Variants in PACRG observed in about 807,000 individuals in gnomAD.
PACRG encodes the protein parkin coregulated, also known as parkin coregulated gene protein.
In PACRG, 29 loss-of-function variants were observed where a neutral mutation model predicts 29.7. The observed-to-expected ratio is 0.98, with a 90% confidence interval of 0.73 to 1.33. The LOEUF (loss-of-function observed/expected upper bound fraction) is 1.33. Ranked by LOEUF, PACRG falls within the 40% of genes most tolerant of loss-of-function variation. The pLI is 0.00. For synonymous variants in PACRG, 116 were observed against 118.7 expected (o/e 0.98, Z 0.15); for missense variants, 279 against 316.2 (o/e 0.88, Z 0.89).
At chr6:163,150,718 G>A (rs1225019351) in intron 4 of PACRG, among the ~76,000 whole-genome samples, 1 of 152,188 alleles carries the variant, frequency 6.6e-6, no homozygotes, top group Non-Finnish European at 1.5e-5. Flanking sequence ...ATCCATTGGC[G>A]GTTACCCCGC....
In PACRG at chr6:163,135,798, C is replaced by T. The variant is rs1197629416; in HGVS notation, c.613+46390C>T. Among the ~76,000 whole-genome samples, 4 of 152,202 alleles carry T rather than the reference C, an allele frequency of 2.6e-5. No homozygotes were observed. In the South Asian group the frequency reaches 6.2e-4, roughly 24 times the overall value. On this transcript the variant is annotated intron_variant, in intron 4 of 4. Coordinates refer to ENST00000366888, the MANE Select transcript of PACRG (RefSeq NM_001080379.2). ...GTGCATCGCTCGACAAGCCGGCTGA[C>T]GCTTGTAAATGCCCAACATCTGAAT...
chr6:163,068,801 A>G (rs1195782195), intron 3 of PACRG, among the ~76,000 whole-genome samples: 1 of 148,978 alleles, frequency 6.7e-6, no homozygotes, highest in African/African-American at 2.5e-5. Context: ...CTTTTTTTAT[A>G]CTATTTGGTT....
At position 163,230,604 on chromosome 6, in the gene PACRG, C is replaced by T. The variant is rs78051602; in HGVS notation, c.614-84223C>T. ...AACATATATAACTAGACTCATTCCA[C>T]GGCCTTTAAGACTTATTTGACGTGT... On this transcript the variant is annotated intron_variant, in intron 4 of 4. Coordinates refer to ENST00000366888, the MANE Select transcript of PACRG (RefSeq NM_001080379.2). Among the ~76,000 whole-genome samples the T allele has an allele frequency of 3.5e-4, 54 of 152,286 alleles. No individual in the cohort carries two copies. In the East Asian group the frequency reaches 9.4e-3, roughly 27 times the overall value.
At chr6:163,100,942 G>A in intron 4 of PACRG, 1 of 985,060 alleles carries the variant, frequency 1.0e-6, no homozygotes, top group Non-Finnish European at 1.2e-6. Context: ...AAGAAGAAAG[G>A]TAAAGATGGC....
intron 2 of PACRG, among the ~76,000 whole-genome samples, chr6:162,954,647 C>T (rs12208808): frequency 0.043 from 6,583 of 152,038 alleles, 166 homozygotes; most frequent in Non-Finnish European, 0.054. Context: ...ATTCATTAAC[C>T]GAATAAGTTT....
intron 2 of PACRG, among the ~76,000 whole-genome samples, chr6:162,969,436 A>G (rs4631245): frequency 0.67 from 102,064 of 151,518 alleles, 34,548 homozygotes; most frequent in East Asian, 0.79. Context: ...CTGAAATACT[A>G]CAACCAACCC....
At chr6:163,161,433 T>C (rs552416109) in intron 4 of PACRG, among the ~76,000 whole-genome samples, 164 of 152,330 alleles carry the variant, frequency 1.1e-3, no homozygotes, top group African/African-American at 3.8e-3. Context: ...TTAGGGCATT[T>C]TGATGTATTC....
intron 1 of PACRG, among the ~76,000 whole-genome samples, chr6:162,781,893 T>C (rs1318880767): frequency 6.6e-6 from 1 of 151,510 alleles, no homozygotes; most frequent in East Asian, 1.9e-4. Context: ...AAAAAAGCAA[T>C]ATGTATATTT....
intron 4 of PACRG, among the ~76,000 whole-genome samples, chr6:163,145,941 C>T (rs142574330): frequency 4.1e-4 from 63 of 152,258 alleles, no homozygotes; most frequent in Admixed American, 2.9e-3. Flanking sequence ...CCTTCACTTA[C>T]GAATGTAACC....
intron 2 of PACRG, among the ~76,000 whole-genome samples, chr6:163,012,649 C>T (rs532967347): frequency 6.6e-6 from 1 of 152,366 alleles, no homozygotes; most frequent in Non-Finnish European, 1.5e-5. Flanking sequence ...CCCTCTGGAG[C>T]TGTGCCAGGC....
chr6:162,904,778 T>C (rs905173779), intron 2 of PACRG, among the ~76,000 whole-genome samples: 4 of 152,112 alleles, frequency 2.6e-5, no homozygotes, highest in Admixed American at 6.5e-5. Flanking sequence ...ATAAGCAACA[T>C]TGAATGATAA....
intron 4 of PACRG, among the ~76,000 whole-genome samples, chr6:163,280,813 G>A (rs970961902): frequency 2.0e-5 from 3 of 152,068 alleles, no homozygotes; most frequent in African/African-American, 7.2e-5. Context: ...ACCTCGTTTG[G>A]ACTTAATTTC....
chr6:162,826,181 T>G (rs1788260734), intron 2 of PACRG, among the ~76,000 whole-genome samples: 1 of 152,170 alleles, frequency 6.6e-6, no homozygotes, highest in Admixed American at 6.5e-5. Context: ...AGTCCCTTTA[T>G]GTAAGCAAGT....
At chr6:163,132,175 A>T (rs1816767570) in intron 4 of PACRG, among the ~76,000 whole-genome samples, 1 of 152,220 alleles carries the variant, frequency 6.6e-6, no homozygotes, top group Admixed American at 6.5e-5. Context: ...AAGATGAAAA[A>T]ATTTGTTTTG....
At chr6:162,966,668 A>G (rs113671719) in intron 2 of PACRG, among the ~76,000 whole-genome samples, 1 of 151,714 alleles carries the variant, frequency 6.6e-6, no homozygotes, top group South Asian at 2.1e-4. Flanking sequence ...AGTAGAGACG[A>G]GGTTTCACCG....
chr6:162,959,538 A>G (rs946172588), intron 2 of PACRG, among the ~76,000 whole-genome samples: 2 of 152,220 alleles, frequency 1.3e-5, no homozygotes, highest in Non-Finnish European at 2.9e-5. Context: ...GCTTTAGGCT[A>G]TACAGACCAT....
intron 1 of PACRG, among the ~76,000 whole-genome samples, chr6:162,743,253 T>C (rs1405309537): frequency 6.6e-6 from 1 of 152,208 alleles, no homozygotes; most frequent in African/African-American, 2.4e-5. Flanking sequence ...CATGTTTTTC[T>C]TTTACTATTT....
At chr6:162,939,058 A>G (rs1024351558) in intron 2 of PACRG, among the ~76,000 whole-genome samples, 5 of 152,174 alleles carry the variant, frequency 3.3e-5, no homozygotes, top group Non-Finnish European at 4.4e-5. Flanking sequence ...TGGTATAAAA[A>G]TGGGCACATA....
chr6:163,218,092 G>A (rs1179458132), intron 4 of PACRG, among the ~76,000 whole-genome samples: 6 of 152,124 alleles, frequency 3.9e-5, no homozygotes, highest in African/African-American at 1.2e-4. Context: ...TCTTAGGGGT[G>A]TTGTATTCTT....
Sources: allele counts gnomAD v4.1 joint callset (sites outside exome capture counted in the v4.1 genomes callset), GRCh38; gene constraint gnomAD v4.1.1; transcripts MANE v1.5; gene names NCBI Gene and HGNC (gene_info 2026-07-23, HGNC 2026-07-21).